The following DENND4A variants were observed in gnomAD, a reference collection of about 807,000 sequenced individuals.
The protein encoded by DENND4A is C-myc promoter-binding protein.
A neutral mutation model predicts 199.3 loss-of-function variants in DENND4A; 70 were observed. The ratio of observed to expected loss-of-function variants is 0.35; its 90% CI spans 0.29 to 0.43. The LOEUF is 0.43. Ranked by LOEUF, DENND4A falls within the 20% of genes least tolerant of loss-of-function variation. The pLI, the probability that DENND4A is intolerant of heterozygous loss-of-function variation, is 1.00. For synonymous variants in DENND4A, 686 were observed against 766.9 expected, an observed-to-expected ratio of 0.89 and a Z score of 1.74; for missense variants, 1,723 against 2,255.8, an observed-to-expected ratio of 0.76 and a Z score of 4.78.
At chr15:65,727,757 A>G (rs1193884842) in intron 11 of DENND4A, 2 of 279,706 alleles carry the variant, frequency 7.2e-6, no homozygotes, top group Non-Finnish European at 1.4e-5. Flanking sequence ...CAGTGCATCA[A>G]TTTCCTCTTC....
At chr15:65,675,729 T>C (rs1449810701) in intron 24 of DENND4A, among the ~76,000 whole-genome samples, 1 of 152,170 alleles carries the variant, frequency 6.6e-6, no homozygotes, top group African/African-American at 2.4e-5. Flanking sequence ...AATCCAAGTG[T>C]GCCAACATAG....
chr15:65,718,750 GTTTT>G (rs1295522050), intron 12 of DENND4A, among the ~76,000 whole-genome samples: 1 of 43,730 alleles, frequency 2.3e-5, no homozygotes, highest in African/African-American at 7.0e-5. Context: ...AGTTTTGCAT[GTTTT>G]TTTTCCTTTT....
chr15:65,674,766 C>T (rs2076323233), intron 24 of DENND4A, among the ~76,000 whole-genome samples: 1 of 149,946 alleles, frequency 6.7e-6, no homozygotes. Flanking sequence ...TTATATGTTA[C>T]ACTTAAATAG....
intron 12 of DENND4A, among the ~76,000 whole-genome samples, chr15:65,721,678 T>C (rs2075650715): frequency 6.6e-6 from 1 of 151,626 alleles, no homozygotes. Flanking sequence ...CACGGCTCAC[T>C]GCAGTCTTAA....
At chr15:65,764,373 A>G (rs2140798404) in intron 1 of DENND4A, among the ~76,000 whole-genome samples, 1 of 152,270 alleles carries the variant, frequency 6.6e-6, no homozygotes, top group East Asian at 1.9e-4. Context: ...GCTCACGCCT[A>G]TAACCCCAGC....
chr15:65,741,887 T>A, intron 4 of DENND4A, 103 bp from the exon 5 acceptor site: 1 of 774,780 alleles, frequency 1.3e-6, no homozygotes, highest in Non-Finnish European at 1.9e-6. Flanking sequence ...TAATATGTAG[T>A]AACAAATTTC....
chr15:65,712,762 AT>A (rs1260308712), intron 14 of DENND4A, among the ~76,000 whole-genome samples: 2 of 152,152 alleles, frequency 1.3e-5, no homozygotes, highest in Non-Finnish European at 2.9e-5. Flanking sequence ...TCACAGTCAC[AT>A]AAATTTGAAA....
chr15:65,709,481 G>A (rs1008792487), intron 14 of DENND4A, among the ~76,000 whole-genome samples: 4 of 151,674 alleles, frequency 2.6e-5, no homozygotes, highest in African/African-American at 7.3e-5. Context: ...CGAGATGGGC[G>A]GATCACCTGA....
chr15:65,779,392 G>T (rs1158764502), intron 1 of DENND4A, among the ~76,000 whole-genome samples: 1 of 150,020 alleles, frequency 6.7e-6, no homozygotes, highest in Non-Finnish European at 1.5e-5. Flanking sequence ...GGAGGCAGAG[G>T]TTGCAGTGAG....
Position 65,701,163 on chromosome 15 carries a change from T to C in DENND4A, c.2589A>G (p.Arg863=). ...KAVLESTWPS[R]SRSGYFLWTK... is the part of the protein sequence containing the mutation. ...TCCAAAGAAAATAGCCACTACGACTTCTTGAAGGCCAGGTACTTTCCAAAA... is the reference window on the plus strand; with the variant it reads ...TCCAAAGAAAATAGCCACTACGACTCCTTGAAGGCCAGGTACTTTCCAAAA... The change falls in exon 19 of 33, where the codon AGA becomes AGG. Residue 863 remains arginine, a synonymous_variant. Transcript: ENST00000443035. 6.2e-7 allele frequency: 1 copy of C among 1,607,142 alleles called. No individual in the cohort carries two copies. Among genetic ancestry groups the C allele is most frequent in the South Asian group, 1.1e-5 (1 of 89,336 alleles).
intron 1 of DENND4A, chr15:65,771,341 T>A: frequency 1.3e-6 from 2 of 1,589,836 alleles, no homozygotes; most frequent in South Asian, 2.2e-5. Context: ...ATTAGTCACA[T>A]AATCTTCCTC....
intron 4 of DENND4A, among the ~76,000 whole-genome samples, chr15:65,750,607 C>G (rs1452233838): frequency 6.6e-6 from 1 of 152,172 alleles, no homozygotes; most frequent in African/African-American, 2.4e-5. Flanking sequence ...AGTCAAATTG[C>G]TCATTGTTAG....
chr15:65,783,867 C>T (rs962743501), intron 1 of DENND4A, among the ~76,000 whole-genome samples: 9 of 151,950 alleles, frequency 5.9e-5, no homozygotes, highest in African/African-American at 1.9e-4. Context: ...AGAAGAATTC[C>T]AAATAATTTT....
intron 14 of DENND4A, chr15:65,715,034 A>G (rs2075355556): frequency 6.4e-6 from 1 of 155,520 alleles, no homozygotes; most frequent in Admixed American, 6.5e-5. Flanking sequence ...TTAAAATTAC[A>G]GAACTAATTA....
At chr15:65,690,330 G>A (rs1723005052) in intron 23 of DENND4A, 85 bp downstream of exon 23, 2 of 1,387,970 alleles carry the variant, frequency 1.4e-6, no homozygotes, top group Admixed American at 2.7e-5. Flanking sequence ...ATGTTTAGAA[G>A]AATAGTTAAA....
intron 1 of DENND4A, among the ~76,000 whole-genome samples, chr15:65,766,033 G>A (rs764417926): frequency 2.0e-5 from 3 of 152,146 alleles, no homozygotes; most frequent in Non-Finnish European, 2.9e-5. Context: ...GGTGGATCAC[G>A]AGGTCAGGAG....
At chr15:65,698,884 T>C (rs1428437450) in intron 20 of DENND4A, among the ~76,000 whole-genome samples, 2 of 151,874 alleles carry the variant, frequency 1.3e-5, no homozygotes, top group East Asian at 3.9e-4. Flanking sequence ...ATTACAGGAA[T>C]GTGCCACCAT....
At chr15:65,715,920 A>G (rs1390380611) in intron 13 of DENND4A, among the ~76,000 whole-genome samples, 2 of 152,248 alleles carry the variant, frequency 1.3e-5, no homozygotes, top group Middle Eastern at 3.4e-3. Context: ...AAAGCTTTGC[A>G]TATTATGTGC....
Position 65,659,340 on chromosome 15 carries a change from T to G in DENND4A, c.*2511A>C, listed in dbSNP as rs1421369614. On this transcript the variant is annotated 3_prime_UTR_variant, in exon 33 of 33. Transcript: ENST00000443035. ...TTTTCTGGTTTTTTTTTTTTTTTTTTTTTTTTTTTTTGAGACAGGGTCTTG... is the reference window on the plus strand; with the variant it reads ...TTTTCTGGTTTTTTTTTTTTTTTTTGTTTTTTTTTTTGAGACAGGGTCTTG... 90 of 134,780 alleles carry G rather than the reference T, an allele frequency of 6.7e-4. 1 individual carries two copies. The highest frequency in any genetic ancestry group is 2.4e-3 in the African/African-American group (89 of 36,818). 8.3% of individuals were successfully genotyped at this position (134,780 alleles called of 1,614,324 possible). A position where few individuals can be genotyped will look rare whatever the true frequency, so the allele number is the denominator to read the frequency against.
Sources: gnomAD v4.1 joint callset for allele counts (sites outside exome capture counted in the v4.1 genomes callset) on GRCh38, gnomAD v4.1.1 for gene constraint, MANE v1.5 for transcripts, NCBI Gene and HGNC (gene_info 2026-07-23, HGNC 2026-07-21) for gene names.